WNT2: variants seen among roughly 807,000 people sequenced by gnomAD.
The protein encoded by WNT2 is protein Wnt-2.
A neutral mutation model predicts 36.9 loss-of-function variants in WNT2; 12 were observed. The observed-to-expected ratio is 0.33, with a 90% confidence interval of 0.21 to 0.53. WNT2 has a LOEUF of 0.53. Ranked by LOEUF, WNT2 falls within the 20% of genes least tolerant of loss-of-function variation. WNT2 has a pLI of 0.95. For synonymous variants in WNT2, 163 were observed against 174.6 expected (o/e 0.93, Z 0.52); for missense variants, 379 against 473.1 (o/e 0.80, Z 1.84).
At chr7:117,311,003 C>A (rs1795110840) in intron 3 of WNT2, among the ~76,000 whole-genome samples, 2 of 152,072 alleles carry the variant, frequency 1.3e-5, no homozygotes, top group Admixed American at 1.3e-4. Flanking sequence ...TGATTTAGTA[C>A]CAAAACTGAT....
chr7:117,317,914 A>G (rs1795250590), intron 2 of WNT2, among the ~76,000 whole-genome samples: 1 of 152,178 alleles, frequency 6.6e-6, no homozygotes, highest in Non-Finnish European at 1.5e-5. Flanking sequence ...AAGGATGAGA[A>G]CTAATTACCT....
chr7:117,281,855 C>A (rs1794495677), intron 4 of WNT2, among the ~76,000 whole-genome samples: 1 of 151,978 alleles, frequency 6.6e-6, no homozygotes, highest in African/African-American at 2.4e-5. Flanking sequence ...TAACTGGCGC[C>A]CTCGATGAGA....
chr7:117,280,009 G>A (rs918177428), intron 4 of WNT2, among the ~76,000 whole-genome samples: 9 of 152,144 alleles, frequency 5.9e-5, no homozygotes, highest in East Asian at 5.8e-4. Context: ...CTGCCTGTTC[G>A]GGATGACCAG....
intron 2 of WNT2, among the ~76,000 whole-genome samples, chr7:117,315,578 T>C (rs1795201032): frequency 6.6e-6 from 1 of 152,200 alleles, no homozygotes; most frequent in African/African-American, 2.4e-5. Flanking sequence ...TGGCAGCTCT[T>C]CTTAAATAAG....
At chr7:117,280,716 G>C (rs1794466893) in intron 4 of WNT2, among the ~76,000 whole-genome samples, 1 of 152,208 alleles carries the variant, frequency 6.6e-6, no homozygotes, top group African/African-American at 2.4e-5. Flanking sequence ...TTCCTCCTGT[G>C]CAAAACTGGA....
rs745343899 is a variant in WNT2 at position 117,297,794 on chromosome 7, A to G, written c.671T>C (p.Met224Thr). The part of the protein sequence containing the change: ...SCTLRTCWLA[M>T]ADFRKTGDYL... Reference sequence around the variant, plus strand: ...ATCGCCCGTTTTCCTGAAGTCGGCCATGGCCAGCCAGCATGTCCTGAGAGT... The same window carrying G: ...ATCGCCCGTTTTCCTGAAGTCGGCCGTGGCCAGCCAGCATGTCCTGAGAGT... The change falls in exon 4 of 5, where the codon ATG (methionine) becomes ACG (threonine). Residue 224 changes from methionine to threonine, a missense_variant. Transcript: ENST00000265441. 2.5e-6 allele frequency: 4 copies of G among 1,614,010 alleles called. No homozygotes were observed. In the African/African-American group the frequency reaches 4.0e-5, roughly 16 times the overall value.
chr7:117,290,774 G>A (rs1432626122), intron 4 of WNT2, among the ~76,000 whole-genome samples: 1 of 152,192 alleles, frequency 6.6e-6, no homozygotes, highest in Non-Finnish European at 1.5e-5. Flanking sequence ...CCATGAAGTC[G>A]ATGACACCAC....
chr7:117,300,209 A>G (rs1438537176), intron 3 of WNT2, among the ~76,000 whole-genome samples: 1 of 152,006 alleles, frequency 6.6e-6, no homozygotes, highest in Non-Finnish European at 1.5e-5. Flanking sequence ...TGTTTTTGAG[A>G]CTGTGTCTTG....
At chr7:117,287,111 G>A (rs1356300909) in intron 4 of WNT2, among the ~76,000 whole-genome samples, 2 of 152,172 alleles carry the variant, frequency 1.3e-5, no homozygotes, top group Non-Finnish European at 2.9e-5. Flanking sequence ...CACTTTGGGA[G>A]GCCAAGGCAG....
Position 117,312,830 on chromosome 7 carries a change from T to C in WNT2, c.588+2241A>G, listed in dbSNP as rs144768157. ...CTATAATAAATAAATTGTTCAAATA[T>C]TGGGGAAAAATTAAGGCCCGTTATG... On this transcript the variant is annotated intron_variant, in intron 3 of 4. Coordinates refer to ENST00000265441, the MANE Select transcript of WNT2 (RefSeq NM_003391.3). Among the ~76,000 whole-genome samples, 153 of 152,312 alleles carry C rather than the reference T, an allele frequency of 1.0e-3. 4 individuals carry two copies. The highest frequency in any genetic ancestry group is 8.8e-3 in the Admixed American group (134 of 15,296).
chr7:117,312,349 T>A (rs1022709559), intron 3 of WNT2, among the ~76,000 whole-genome samples: 2 of 152,116 alleles, frequency 1.3e-5, no homozygotes, highest in Non-Finnish European at 2.9e-5. Flanking sequence ...ACCTGGCTAA[T>A]TTTTTATATT....
intron 3 of WNT2, among the ~76,000 whole-genome samples, chr7:117,303,410 T>C (rs1794945850): frequency 6.6e-6 from 1 of 152,150 alleles, no homozygotes; most frequent in African/African-American, 2.4e-5. Flanking sequence ...AGTGCTGCTT[T>C]GGAGGGAATG....
intron 3 of WNT2, among the ~76,000 whole-genome samples, chr7:117,308,673 A>G (rs1178291147): frequency 6.6e-6 from 1 of 152,204 alleles, no homozygotes; most frequent in Non-Finnish European, 1.5e-5. Flanking sequence ...TTTATGCCCC[A>G]CAAAGATGCT....
intron 3 of WNT2, 127 bp downstream of exon 3, chr7:117,314,944 T>TG (rs1174913230): frequency 4.4e-5 from 61 of 1,377,432 alleles, no homozygotes; most frequent in Non-Finnish European, 5.7e-5. Context: ...AGCTAATGGC[T>TG]GGGGGACAGT....
At chr7:117,314,827 C>T (rs1389704329) in intron 3 of WNT2, among the ~76,000 whole-genome samples, 6 of 152,208 alleles carry the variant, frequency 3.9e-5, no homozygotes, top group Non-Finnish European at 8.8e-5. Flanking sequence ...CTTGAATCAA[C>T]ACAATGCCAA....
intron 3 of WNT2, among the ~76,000 whole-genome samples, chr7:117,311,937 T>C (rs1795129328): frequency 6.6e-6 from 1 of 152,214 alleles, no homozygotes; most frequent in South Asian, 2.1e-4. Context: ...TTCTTTTCTA[T>C]TTTTAAGTTA....
rs767042460 is a variant in WNT2 at position 117,320,730 on chromosome 7, G to A, written c.147C>T (p.Ser49=). ...VMCDNVPGLV[S]SQRQLCHRHP... ...GTCGGTGACACAGCTGCCGCTGGCT[G>A]CTCACCAGGCCTGGCACATTATCGC... The change falls in exon 2 of 5, where the codon AGC becomes AGT. Residue 49 remains serine, a synonymous_variant. Transcript: ENST00000265441. 11 of 1,613,874 alleles carry A rather than the reference G, an allele frequency of 6.8e-6. No homozygotes were observed. In the East Asian group the frequency reaches 2.2e-4, roughly 33 times the overall value.
chr7:117,290,168 C>T (rs1311544216), intron 4 of WNT2, among the ~76,000 whole-genome samples: 1 of 152,096 alleles, frequency 6.6e-6, no homozygotes, highest in Admixed American at 6.5e-5. Flanking sequence ...ACAGGGACAG[C>T]ATTTAAAACC....
intron 4 of WNT2, among the ~76,000 whole-genome samples, chr7:117,295,898 G>A (rs1794780195): frequency 6.6e-6 from 1 of 152,158 alleles, no homozygotes; most frequent in Non-Finnish European, 1.5e-5. Flanking sequence ...GATCATCTAG[G>A]AGCCACCTCT....
Sources: gnomAD v4.1 joint callset for allele counts (sites outside exome capture counted in the v4.1 genomes callset) on GRCh38, gnomAD v4.1.1 for gene constraint, MANE v1.5 for transcripts, NCBI Gene and HGNC (gene_info 2026-07-23, HGNC 2026-07-21) for gene names.